SLC7A14: variants seen among roughly 807,000 people sequenced by gnomAD.
SLC7A14 encodes gamma-aminobutyric acid transporter SLC7A14.
In SLC7A14, 37 loss-of-function variants were observed where a neutral mutation model predicts 60.2. The observed-to-expected ratio is 0.61, with a 90% CI of 0.47 to 0.81. SLC7A14 has a LOEUF of 0.81. SLC7A14 is among the 30% of genes least tolerant of loss of function. The probability of loss-of-function intolerance (pLI) is 0.00; values close to 1 mark genes in which losing one functional copy is unlikely to be tolerated. For missense variants in SLC7A14, 886 were observed against 982.7 expected (o/e 0.90, Z 1.32); for synonymous variants, 399 against 395.8 (o/e 1.01, Z -0.10).
At position 170,466,329 on chromosome 3, in the gene SLC7A14, CCTT is replaced by C. The variant is rs1417496351; in HGVS notation, c.*723_*725del. 6.6e-6 allele frequency: 1 copy of C among 152,100 alleles called. No individual in the cohort carries two copies. The highest frequency in any genetic ancestry group is 2.4e-5 in the African/African-American group (1 of 41,402). 9.4% of individuals were successfully genotyped at this position (152,100 alleles called of 1,614,324 possible). ...ACAGAGAGTTAATTTCTGCCAATGC[CCTT>C]CTGGCTTTTACCGCAAGATATGGTT... On this transcript the variant is annotated 3_prime_UTR_variant, in exon 8 of 8. Coordinates refer to ENST00000231706, the MANE Select transcript of SLC7A14 (RefSeq NM_020949.3).
chr3:170,551,850 A>G (rs1286744931), intron 1 of SLC7A14, among the ~76,000 whole-genome samples: 3 of 152,152 alleles, frequency 2.0e-5, no homozygotes, highest in African/African-American at 7.2e-5. Context: ...TCACTTTCTT[A>G]AAGATTTCAT....
Position 170,466,932 on chromosome 3 carries a change from G to T in SLC7A14, c.*123C>A. The stretch of plus-strand genomic sequence containing the variant: ...AGTAGCAAATGACAGGCTATGACTA[G>T]GGATTGAATTTGGGGAAGGCTGGAT... On this transcript the variant is annotated 3_prime_UTR_variant, in exon 8 of 8. Transcript: ENST00000231706. 3 of 806,678 alleles carry T rather than the reference G, an allele frequency of 3.7e-6. No individual in the cohort carries two copies. Among genetic ancestry groups the T allele is most frequent in the East Asian group, 2.5e-5 (1 of 40,560 alleles). The allele number at this position is 806,678 out of a possible 1,614,324, so 50.0% of individuals were successfully genotyped here. A position where few individuals can be genotyped will look rare whatever the true frequency, so the allele number is the denominator to read the frequency against.
At position 170,526,923 on chromosome 3, in the gene SLC7A14, A is replaced by T; in HGVS notation, c.14T>A (p.Phe5Tyr). The change falls in exon 2 of 8, where the codon TTC becomes TAC. Residue 5 changes from phenylalanine to tyrosine, a missense_variant. Phe to Tyr is a conservative substitution (Grantham distance 22). Coordinates refer to ENST00000231706, the MANE Select transcript of SLC7A14 (RefSeq NM_020949.3). ...CACCCGCCGGGGGTCCAGCGAGGTG[A>T]AGAAGCCACTCATCTTGAGCGATAG... MSGF[F>Y]TSLDPRRVQW... 1 of 1,613,040 alleles carries T rather than the reference A, an allele frequency of 6.2e-7. No homozygotes were observed.
chr3:170,517,612 T>C (rs1713206878), intron 2 of SLC7A14, among the ~76,000 whole-genome samples: 1 of 152,238 alleles, frequency 6.6e-6, no homozygotes, highest in Non-Finnish European at 1.5e-5. Flanking sequence ...AATCTTTCTT[T>C]GATCATGAAA....
At chr3:170,533,151 T>C (rs1713729262) in intron 1 of SLC7A14, among the ~76,000 whole-genome samples, 1 of 152,190 alleles carries the variant, frequency 6.6e-6, no homozygotes, top group Non-Finnish European at 1.5e-5. Flanking sequence ...TGGTGGATCC[T>C]CTCCTGAAGT....
At chr3:170,569,793 TG>T (rs1346046013) in intron 1 of SLC7A14, among the ~76,000 whole-genome samples, 2 of 152,212 alleles carry the variant, frequency 1.3e-5, no homozygotes, top group African/African-American at 2.4e-5. Context: ...CTAGTTTATT[TG>T]TGTAGAGGTG....
At chr3:170,499,046 C>T (rs1017041729) in intron 3 of SLC7A14, among the ~76,000 whole-genome samples, 162 bp from the exon 4 acceptor site, 3 of 151,652 alleles carry the variant, frequency 2.0e-5, no homozygotes, top group Non-Finnish European at 4.4e-5. Flanking sequence ...ACCATCCTGG[C>T]TAATACGGTG....
chr3:170,579,896 C>A (rs1310816631), intron 1 of SLC7A14, among the ~76,000 whole-genome samples: 1 of 152,144 alleles, frequency 6.6e-6, no homozygotes, highest in Non-Finnish European at 1.5e-5. Flanking sequence ...AAATGCAAGG[C>A]CCTTGGGCTG....
intron 4 of SLC7A14, among the ~76,000 whole-genome samples, chr3:170,498,221 G>A (rs1217955723): frequency 6.6e-6 from 1 of 152,176 alleles, no homozygotes; most frequent in Non-Finnish European, 1.5e-5. Context: ...AGACTTTGGA[G>A]CCAGGCAGTC....
At chr3:170,516,664 G>A (rs141577257) in intron 2 of SLC7A14, among the ~76,000 whole-genome samples, 1 of 152,320 alleles carries the variant, frequency 6.6e-6, no homozygotes, top group East Asian at 1.9e-4. Flanking sequence ...CTACTGAGGA[G>A]GGTGAATTGG....
intron 4 of SLC7A14, 122 bp from the exon 5 acceptor site, chr3:170,486,490 G>C: frequency 8.1e-7 from 1 of 1,238,558 alleles, no homozygotes; most frequent in African/African-American, 1.5e-5. Flanking sequence ...GAGTAACATG[G>C]TGGAACTCGT....
chr3:170,481,153 C>A lies in SLC7A14; in HGVS notation c.1129G>T (p.Val377Phe), dbSNP rs114883808. ...DGLLFRFLAH[V>F]SSYTETPVVA... ...ACTGGTGTCTCTGTGTAGGAGCTGA[C>A]GTGAGCCAGGAACCTGGAGGGGCCG... is the stretch of plus-strand genomic sequence containing the variant. Residue 377 changes from valine (V) to phenylalanine (F), a missense_variant, in exon 7 of 8, where the codon GTC (valine) becomes TTC (phenylalanine). By Grantham distance (50) the Val-to-Phe change is conservative. Coordinates refer to ENST00000231706, the MANE Select transcript of SLC7A14 (RefSeq NM_020949.3). The A allele has an allele frequency of 2.5e-6, 4 of 1,612,966 alleles. No homozygotes were observed. In the Admixed American group the frequency reaches 6.7e-5, roughly 27 times the overall value.
intron 1 of SLC7A14, among the ~76,000 whole-genome samples, chr3:170,558,145 A>G (rs548870500): frequency 6.6e-6 from 1 of 152,256 alleles, no homozygotes; most frequent in African/African-American, 2.4e-5. Flanking sequence ...AGGTGGGTGG[A>G]TCACTTCAGG....
chr3:170,505,573 A>G (rs1331867131), intron 2 of SLC7A14, among the ~76,000 whole-genome samples: 1 of 152,168 alleles, frequency 6.6e-6, no homozygotes, highest in Non-Finnish European at 1.5e-5. Flanking sequence ...GTACTAGGGT[A>G]GAGAATCACT....
intron 2 of SLC7A14, among the ~76,000 whole-genome samples, chr3:170,503,527 T>C (rs1398687029): frequency 6.6e-6 from 1 of 152,308 alleles, no homozygotes; most frequent in Non-Finnish European, 1.5e-5. Flanking sequence ...AAGATGCAAC[T>C]CACTTCCCTG....
chr3:170,581,406 G>A (rs753538329), intron 1 of SLC7A14, among the ~76,000 whole-genome samples: 4 of 152,040 alleles, frequency 2.6e-5, no homozygotes, highest in Non-Finnish European at 5.9e-5. Flanking sequence ...AAAGGTAAAA[G>A]CTGTTCCAAA....
intron 2 of SLC7A14, among the ~76,000 whole-genome samples, chr3:170,517,740 G>C (rs1713212530): frequency 6.6e-6 from 1 of 152,208 alleles, no homozygotes; most frequent in South Asian, 2.1e-4. Context: ...TCTGCTCTCT[G>C]TTCTCTTACC....
intron 2 of SLC7A14, among the ~76,000 whole-genome samples, chr3:170,507,407 G>A (rs1481874772): frequency 2.0e-5 from 3 of 152,144 alleles, no homozygotes; most frequent in East Asian, 3.9e-4. Context: ...AGGTGTTCTT[G>A]GAGCTCAGTG....
chr3:170,480,063 C>T (rs781641459), intron 7 of SLC7A14, among the ~76,000 whole-genome samples: 2 of 152,202 alleles, frequency 1.3e-5, no homozygotes, highest in Admixed American at 6.5e-5. Context: ...TTCAGTAAAG[C>T]GATGGATTAA....
Sources: allele counts gnomAD v4.1 joint callset (sites outside exome capture counted in the v4.1 genomes callset), GRCh38; gene constraint gnomAD v4.1.1; transcripts MANE v1.5; gene names NCBI Gene and HGNC (gene_info 2026-07-23, HGNC 2026-07-21).